LUZP2: variants seen among roughly 807,000 people sequenced by gnomAD.
LUZP2 encodes the protein leucine zipper protein 2.
In LUZP2, 52 loss-of-function variants were observed where a neutral mutation model predicts 51.6. The observed-to-expected ratio is 1.01, with a 90% CI of 0.81 to 1.27. The LOEUF (loss-of-function observed/expected upper bound fraction) is 1.27. Ranked by LOEUF, LUZP2 falls within the 50% of genes most tolerant of loss-of-function variation. The pLI is 0.00. For synonymous variants in LUZP2, 154 were observed against 137.3 expected (o/e 1.12, Z -0.85); for missense variants, 436 against 395.4 (o/e 1.10, Z -0.87).
At chr11:24,915,688 A>G (rs1483957539) in intron 7 of LUZP2, among the ~76,000 whole-genome samples, 1 of 151,772 alleles carries the variant, frequency 6.6e-6, no homozygotes, top group Non-Finnish European at 1.5e-5. Context: ...ATAGATGGAT[A>G]GATAGATAGA....
At chr11:24,696,908 T>A (rs1449189029) in intron 1 of LUZP2, among the ~76,000 whole-genome samples, 1 of 152,056 alleles carries the variant, frequency 6.6e-6, no homozygotes, top group African/African-American at 2.4e-5. Flanking sequence ...TAGCTATGCA[T>A]GGATGAAGAA....
At chr11:24,779,133 T>C (rs1259287718) in intron 5 of LUZP2, among the ~76,000 whole-genome samples, 1 of 152,188 alleles carries the variant, frequency 6.6e-6, no homozygotes, top group East Asian at 1.9e-4. Flanking sequence ...GTTTCATCAT[T>C]GCACCTATAT....
At chr11:25,044,261 A>G (rs973886007) in intron 9 of LUZP2, among the ~76,000 whole-genome samples, 353 of 28,372 alleles carry the variant, frequency 0.012, no homozygotes, top group African/African-American at 0.079. Context: ...GTGTGTGTAT[A>G]TATATATATA....
chr11:24,525,627 G>A (rs1357453658), intron 1 of LUZP2, among the ~76,000 whole-genome samples: 3 of 150,478 alleles, frequency 2.0e-5, no homozygotes, highest in African/African-American at 7.3e-5. Flanking sequence ...AATAACAATA[G>A]ATTTTTAATA....
At chr11:24,692,275 G>A (rs11028108) in intron 1 of LUZP2, among the ~76,000 whole-genome samples, 27,506 of 151,796 alleles carry the variant, frequency 0.18, 2,576 homozygotes, top group East Asian at 0.32. Context: ...CTCATCCTAT[G>A]CAGAAGCAAA....
chr11:24,999,001 T>C (rs2133939083), intron 9 of LUZP2, among the ~76,000 whole-genome samples: 1 of 152,340 alleles, frequency 6.6e-6, no homozygotes, highest in Admixed American at 6.5e-5. Context: ...AGGTTATTCC[T>C]AGTTCAACAA....
chr11:24,953,460 A>T (rs889529813), intron 7 of LUZP2, among the ~76,000 whole-genome samples: 1 of 151,976 alleles, frequency 6.6e-6, no homozygotes, highest in Non-Finnish European at 1.5e-5. Flanking sequence ...ATTAAAGTTA[A>T]TAAACCACCA....
At chr11:24,794,642 A>G (rs540278909) in intron 5 of LUZP2, among the ~76,000 whole-genome samples, 1 of 152,254 alleles carries the variant, frequency 6.6e-6, no homozygotes, top group South Asian at 2.1e-4. Context: ...GATTAAAATG[A>G]TTTTGTATGC....
chr11:24,507,138 C>G (rs917771428), intron 1 of LUZP2, among the ~76,000 whole-genome samples: 2 of 152,034 alleles, frequency 1.3e-5, no homozygotes, highest in African/African-American at 2.4e-5. Context: ...GCTCCTCATT[C>G]TAATTGAATG....
intron 6 of LUZP2, among the ~76,000 whole-genome samples, chr11:24,913,203 C>T (rs1853693080): frequency 6.6e-6 from 1 of 152,172 alleles, no homozygotes; most frequent in Non-Finnish European, 1.5e-5. Context: ...ATGTCAACTA[C>T]TAAACTGATT....
intron 7 of LUZP2, among the ~76,000 whole-genome samples, chr11:24,924,029 C>G (rs943003695): frequency 1.3e-5 from 2 of 151,898 alleles, no homozygotes; most frequent in African/African-American, 4.8e-5. Context: ...ATCAAAGCCT[C>G]AAAAGAATGC....
chr11:24,999,866 A>C (rs1238668347), intron 9 of LUZP2, among the ~76,000 whole-genome samples: 8 of 152,180 alleles, frequency 5.3e-5, no homozygotes, highest in African/African-American at 1.9e-4. Flanking sequence ...TCATAAATTT[A>C]GTGTGGACCC....
At chr11:24,791,112 T>C (rs892722786) in intron 5 of LUZP2, among the ~76,000 whole-genome samples, 3 of 152,178 alleles carry the variant, frequency 2.0e-5, no homozygotes, top group African/African-American at 7.2e-5. Context: ...ATGTGGAAGT[T>C]ATTGAGACAA....
chr11:24,709,233 A>C (rs1857728397), intron 1 of LUZP2, among the ~76,000 whole-genome samples: 1 of 152,200 alleles, frequency 6.6e-6, no homozygotes, highest in Non-Finnish European at 1.5e-5. Context: ...TAATGTGTAC[A>C]GTTTCTACCA....
chr11:24,940,633 A>G (rs891639680), intron 7 of LUZP2, among the ~76,000 whole-genome samples: 14 of 152,202 alleles, frequency 9.2e-5, no homozygotes, highest in African/African-American at 1.9e-4. Context: ...TTATCAACTT[A>G]TAATAGCTTC....
intron 1 of LUZP2, among the ~76,000 whole-genome samples, chr11:24,553,741 G>A (rs1260011206): frequency 6.6e-6 from 1 of 152,058 alleles, no homozygotes; most frequent in East Asian, 1.9e-4. Flanking sequence ...GCTATGGTAC[G>A]TATCTGTGCC....
At chr11:25,071,428 G>T (rs964446847) in intron 10 of LUZP2, among the ~76,000 whole-genome samples, 2 of 151,396 alleles carry the variant, frequency 1.3e-5, no homozygotes, top group African/African-American at 2.4e-5. Context: ...AATAAATGTA[G>T]GTGCTTTGTT....
chr11:24,841,112 G>A (rs759927103), intron 5 of LUZP2, among the ~76,000 whole-genome samples: 18 of 151,920 alleles, frequency 1.2e-4, no homozygotes, highest in South Asian at 2.1e-4. Context: ...ATATGTTAAA[G>A]CCCTAATGTC....
At chr11:24,679,414 T>C (rs1352339827) in intron 1 of LUZP2, among the ~76,000 whole-genome samples, 1 of 152,032 alleles carries the variant, frequency 6.6e-6, no homozygotes, top group African/African-American at 2.4e-5. Context: ...TAATTATTTT[T>C]ATTTTATTTA....
Sources: gnomAD v4.1 joint callset for allele counts (sites outside exome capture counted in the v4.1 genomes callset) on GRCh38, gnomAD v4.1.1 for gene constraint, MANE v1.5 for transcripts, NCBI Gene and HGNC (gene_info 2026-07-23, HGNC 2026-07-21) for gene names.